Variants in POR observed in about 807,000 individuals in gnomAD.
The protein encoded by POR is cytochrome p450 oxidoreductase, also known as NADPH--cytochrome P450 reductase.
In POR, 56 loss-of-function variants were observed where a neutral mutation model predicts 84.0. The ratio of observed to expected loss-of-function variants is 0.67; its 90% CI spans 0.54 to 0.83. The LOEUF (loss-of-function observed/expected upper bound fraction) is 0.83, where lower values mean the gene tolerates loss of function less well. Among genes scored for constraint, POR ranks in the 40% least tolerant of loss-of-function variants. The pLI is 0.00. For synonymous variants in POR, 414 were observed against 400.5 expected, an observed-to-expected ratio of 1.03 and a Z score of -0.40; for missense variants, 938 against 944.3, an observed-to-expected ratio of 0.99 and a Z score of 0.09.
rs1585079137 is a variant in POR, at chr7:75,917,247, T to A, written c.-5+2068T>A. Among the ~76,000 whole-genome samples the A allele has an allele frequency of 2.6e-5, 4 of 151,970 alleles. No individual in the cohort carries two copies. The East Asian group carries it at 7.7e-4, about 29-fold the overall frequency. On this transcript the variant is annotated intron_variant, in intron 1 of 15. Transcript: ENST00000461988. Reference sequence around the variant, plus strand: ...CACACCCAGCTAATTTTTTAAATGTTTTTTAGAGATTTGGTTTGCCATGTT... The same window carrying A: ...CACACCCAGCTAATTTTTTAAATGTATTTTAGAGATTTGGTTTGCCATGTT...
chr7:75,965,830 C>A (rs961948413), intron 2 of POR, among the ~76,000 whole-genome samples: 1 of 152,212 alleles, frequency 6.6e-6, no homozygotes, highest in East Asian at 1.9e-4. Context: ...AATGAGGGAG[C>A]GGCAGCCCAC....
chr7:75,980,181 G>A (rs1788933165), intron 4 of POR, among the ~76,000 whole-genome samples, 158 bp from the exon 5 acceptor site: 2 of 152,196 alleles, frequency 1.3e-5, no homozygotes. Flanking sequence ...CCATGCCCCA[G>A]CCCCTCCGTG....
intron 1 of POR, 24 bp from the exon 2 acceptor site, chr7:75,953,965 T>A: frequency 1.3e-6 from 2 of 1,539,096 alleles, no homozygotes; most frequent in Non-Finnish European, 1.8e-6. Flanking sequence ...TCTGCTGACA[T>A]CTGCTGTTTC....
At chr7:75,924,109 A>G (rs1183986443) in intron 1 of POR, among the ~76,000 whole-genome samples, 1 of 152,108 alleles carries the variant, frequency 6.6e-6, no homozygotes, top group Non-Finnish European at 1.5e-5. Flanking sequence ...AAGGCTCCCT[A>G]AGAGTCCTGC....
intron 2 of POR, among the ~76,000 whole-genome samples, chr7:75,966,624 G>A (rs1554555291): frequency 1.3e-5 from 2 of 152,216 alleles, no homozygotes; most frequent in African/African-American, 2.4e-5. Context: ...GCTAAGGGCA[G>A]GGGACAGTCT....
At position 75,986,801 on chromosome 7, in the gene POR, G is replaced by C. The variant is rs1789507387; in HGVS notation, c.*320G>C. 3 of 577,226 alleles carry C rather than the reference G, an allele frequency of 5.2e-6. No individual in the cohort carries two copies. The Admixed American group carries it at 9.6e-5, about 19-fold the overall frequency. The allele number at this position is 577,226 out of a possible 1,614,324, so 35.8% of individuals were successfully genotyped here. A position where few individuals can be genotyped will look rare whatever the true frequency, so the allele number is the denominator to read the frequency against. ...AGCCCCTCCACGTGATTTCCAGTGA[G>C]TGTAAATAATTTTAAATAACCTCTG... On this transcript the variant is annotated 3_prime_UTR_variant, in exon 16 of 16. Coordinates refer to ENST00000461988, the MANE Select transcript of POR (RefSeq NM_000941.3).
Position 75,980,449 on chromosome 7 carries a change from G to A in POR, c.477G>A (p.Leu159=), listed in dbSNP as rs782013669. The A allele has an allele frequency of 7.6e-5, 122 of 1,613,072 alleles. No homozygotes were observed. The highest frequency in any genetic ancestry group is 6.2e-4 in the Admixed American group (37 of 59,998). The change falls in exon 5 of 16, where the codon CTG becomes CTA. Residue 159 remains leucine, a synonymous_variant. Coordinates refer to ENST00000461988, the MANE Select transcript of POR (RefSeq NM_000941.3). ...ATGCCCAGGACTTCTACGACTGGCT[G>A]CAGGAGACAGACGTGGATCTCTCTG...
rs905483655 is a variant in POR, at chr7:75,979,492, T to C, written c.279T>C (p.Thr93=). The C allele has an allele frequency of 4.3e-6, 7 of 1,613,344 alleles. No individual in the cohort carries two copies. In the Admixed American group the frequency reaches 1.2e-4, roughly 27 times the overall value. The change falls in exon 4 of 16, where the codon ACT becomes ACC. Residue 93 remains threonine, a synonymous_variant. Coordinates refer to ENST00000461988, the MANE Select transcript of POR (RefSeq NM_000941.3). ...TGTTCTACGGCTCCCAGACGGGGAC[T>C]GCAGAGGAGTTTGCCAACCGCCTGT...
intron 10 of POR, 29 bp from the exon 11 acceptor site, chr7:75,984,748 C>G: frequency 6.2e-7 from 1 of 1,608,478 alleles, no homozygotes; most frequent in Non-Finnish European, 8.5e-7. Flanking sequence ...GGCCGCCTAC[C>G]CCAAGTCCTG....
intron 2 of POR, among the ~76,000 whole-genome samples, chr7:75,964,082 C>T (rs1397014567): frequency 6.6e-6 from 1 of 151,740 alleles, no homozygotes; most frequent in Non-Finnish European, 1.5e-5. Context: ...TCACTGCAAC[C>T]TCTGCCTCCT....
intron 2 of POR, among the ~76,000 whole-genome samples, chr7:75,954,945 T>C (rs967099910): frequency 6.6e-6 from 1 of 152,026 alleles, no homozygotes; most frequent in Non-Finnish European, 1.5e-5. Flanking sequence ...TGACCTCAAG[T>C]GATCCGCCCA....
chr7:75,975,623 G>A (rs1788646607), intron 3 of POR, among the ~76,000 whole-genome samples: 1 of 152,088 alleles, frequency 6.6e-6, no homozygotes, highest in African/African-American at 2.4e-5. Flanking sequence ...TACACCCTGT[G>A]TCAAATAATA....
chr7:75,924,359 G>C (rs1358314837), intron 1 of POR, among the ~76,000 whole-genome samples: 1 of 152,154 alleles, frequency 6.6e-6, no homozygotes, highest in Non-Finnish European at 1.5e-5. Flanking sequence ...TTACCTGGAT[G>C]CTGAAGACAT....
intron 2 of POR, among the ~76,000 whole-genome samples, chr7:75,969,597 A>G (rs1554555839): frequency 6.6e-6 from 1 of 152,162 alleles, no homozygotes; most frequent in African/African-American, 2.4e-5. Context: ...AAATCTTCAG[A>G]TCCACTTTGT....
chr7:75,951,869 G>C (rs1554552883), intron 1 of POR, among the ~76,000 whole-genome samples: 1 of 152,284 alleles, frequency 6.6e-6, no homozygotes, highest in African/African-American at 2.4e-5. Flanking sequence ...GTCGTTGGTG[G>C]AAGGACCAGT....
chr7:75,966,896 G>A (rs1408858266), intron 2 of POR, among the ~76,000 whole-genome samples: 1 of 152,150 alleles, frequency 6.6e-6, no homozygotes, highest in Admixed American at 6.5e-5. Flanking sequence ...CTCCGTTCTG[G>A]AGCCACGTGG....
At chr7:75,947,912 A>C (rs563826475) in intron 1 of POR, among the ~76,000 whole-genome samples, 6 of 151,932 alleles carry the variant, frequency 3.9e-5, no homozygotes, top group African/African-American at 1.4e-4. Context: ...CAAGGGGAAA[A>C]CGGTTAAGTT....
chr7:75,920,056 CTTTTTTTTTTTTTT>C (rs71519397), intron 1 of POR, among the ~76,000 whole-genome samples: 2 of 76,520 alleles, frequency 2.6e-5, no homozygotes, highest in Non-Finnish European at 2.5e-5. Flanking sequence ...AGTTGAATTT[CTTTTTTTTTTTTTT>C]TTTTTTTTTT....
chr7:75,975,742 T>C lies in POR; in HGVS notation c.237+3281T>C, dbSNP rs140174047. On this transcript the variant is annotated intron_variant, in intron 3 of 15. Coordinates refer to ENST00000461988, the MANE Select transcript of POR (RefSeq NM_000941.3). Reference sequence around the variant, plus strand: ...TCCTTTTTATTGCCAAATAATGTTTTAATATATGGATTCTTACTTATTTTT... The same window carrying C: ...TCCTTTTTATTGCCAAATAATGTTTCAATATATGGATTCTTACTTATTTTT... 2.3e-3 allele frequency among the ~76,000 whole-genome samples: 351 copies of C among 152,172 alleles called. 3 individuals are homozygous for C. Among genetic ancestry groups the C allele is most frequent in the African/African-American group, 8.1e-3 (337 of 41,510 alleles).
Sources: allele counts gnomAD v4.1 joint callset (sites outside exome capture counted in the v4.1 genomes callset), GRCh38; gene constraint gnomAD v4.1.1; transcripts MANE v1.5; gene names NCBI Gene and HGNC (gene_info 2026-07-23, HGNC 2026-07-21).